Variants in POLR3C observed in about 807,000 individuals in gnomAD.
The protein encoded by POLR3C is RNA polymerase III subunit C, also known as DNA-directed RNA polymerase III subunit RPC3.
Under a neutral mutation model 65.9 loss-of-function variants are expected in POLR3C, and 44 were observed. The ratio of observed to expected loss-of-function variants is 0.67; its 90% CI spans 0.52 to 0.86. The LOEUF (loss-of-function observed/expected upper bound fraction) is 0.86. POLR3C is among the 40% of genes least tolerant of loss of function. The pLI is 0.00. For missense variants in POLR3C, 576 were observed against 653.2 expected, an observed-to-expected ratio of 0.88 and a Z score of 1.29; for synonymous variants, 263 against 231.6, an observed-to-expected ratio of 1.14 and a Z score of -1.23.
intron 13 of POLR3C, 122 bp from the exon 14 acceptor site, chr1:145,840,800 A>G (rs983147615): frequency 3.4e-5 from 20 of 595,676 alleles, no homozygotes; most frequent in Admixed American, 2.9e-4. Context: ...TGTCCTTAGA[A>G]GGTGACATTA....
chr1:145,836,424 A>C, intron 7 of POLR3C, 70 bp from the exon 8 acceptor site: 1 of 899,244 alleles, frequency 1.1e-6, no homozygotes, highest in South Asian at 1.3e-5. Flanking sequence ...CCGGCCTAAA[A>C]CATCTTTATT....
Position 145,826,319 on chromosome 1 carries a change from GGA to G in POLR3C, c.148-129_148-128del, listed in dbSNP as rs1650739734. ...TGTGATTCTTATTAGCTCCTCCAGTGGAGAGAGGAAATAAGTGCAGAAATTAT... is the reference window on the plus strand; with the variant it reads ...TGTGATTCTTATTAGCTCCTCCAGTGGAGAGGAAATAAGTGCAGAAATTAT... On this transcript the variant is annotated intron_variant, in intron 2 of 14. Transcript: ENST00000334163. 11 of 676,566 alleles carry G rather than the reference GGA, an allele frequency of 1.6e-5. No individual in the cohort carries two copies. The South Asian group carries it at 2.0e-4, about 12-fold the overall frequency. 41.9% of individuals were successfully genotyped at this position (676,566 alleles called of 1,614,324 possible).
intron 5 of POLR3C, among the ~76,000 whole-genome samples, chr1:145,829,583 C>T (rs1433198668): frequency 6.6e-6 from 1 of 152,176 alleles, no homozygotes; most frequent in Non-Finnish European, 1.5e-5. Context: ...AATAGCTTTC[C>T]TTTACTTTTA....
intron 1 of POLR3C, 84 bp downstream of exon 1, chr1:145,824,453 T>C (rs1458313666): frequency 2.7e-5 from 23 of 850,322 alleles, no homozygotes; most frequent in Non-Finnish European, 3.9e-5. Flanking sequence ...GTAAAGGAAG[T>C]GTAGAGCTAG....
chr1:145,838,235 A>T, intron 11 of POLR3C, 29 bp downstream of exon 11: 1 of 1,602,226 alleles, frequency 6.2e-7, no homozygotes, highest in Non-Finnish European at 8.5e-7. Flanking sequence ...AATAATTGCC[A>T]ACCAGCAAAG....
rs891322548 is a variant in POLR3C at position 145,842,900 on chromosome 1, C to T, written c.*480C>T. On this transcript the variant is annotated 3_prime_UTR_variant, in exon 15 of 15. Transcript: ENST00000334163. ...CAATCACAGCTCCCTACAGCCTTGA[C>T]CTCCTGAGCTCAAGCAGTCCTTCCA... Among the ~76,000 whole-genome samples the T allele has an allele frequency of 6.6e-6, 1 of 152,022 alleles. No homozygotes were observed. Among genetic ancestry groups the T allele is most frequent in the Non-Finnish European group, 1.5e-5 (1 of 68,006 alleles).
chr1:145,841,661 A>T (rs1652303369), intron 14 of POLR3C, among the ~76,000 whole-genome samples: 1 of 152,196 alleles, frequency 6.6e-6, no homozygotes, highest in Non-Finnish European at 1.5e-5. Context: ...GTGATTTTGT[A>T]TCCCACAACT....
At chr1:145,828,680 C>A in intron 4 of POLR3C, 69 bp from the exon 5 acceptor site, 1 of 1,073,222 alleles carries the variant, frequency 9.3e-7, no homozygotes, top group Non-Finnish European at 1.5e-6. Context: ...AAGACACCTG[C>A]TCTCATGTTT....
Position 145,844,157 on chromosome 1 carries a change from G to GTA in POLR3C, c.*1747_*1748dup, listed in dbSNP as rs587710929. Among the ~76,000 whole-genome samples the GTA allele has an allele frequency of 2.1e-3, 320 of 152,174 alleles. No homozygotes were observed. The highest frequency in any genetic ancestry group is 3.9e-3 in the Non-Finnish European group (264 of 68,006). On this transcript the variant is annotated 3_prime_UTR_variant, in exon 15 of 15. Transcript: ENST00000334163. Reference sequence around the variant, plus strand: ...TATGCTCCAGCAGTTCCACTACTGGGTATATATATATCTCCAAAAGGAAAG... The same window carrying GTA: ...TATGCTCCAGCAGTTCCACTACTGGGTATATATATATATCTCCAAAAGGAAAG...
intron 5 of POLR3C, among the ~76,000 whole-genome samples, chr1:145,829,489 G>T (rs1553726626): frequency 6.6e-6 from 1 of 152,140 alleles, no homozygotes. Flanking sequence ...GGTCTCCCTA[G>T]CTGCATTCTT....
chr1:145,826,008 A>G, intron 2 of POLR3C, 85 bp downstream of exon 2: 4 of 1,146,040 alleles, frequency 3.5e-6, no homozygotes, highest in Non-Finnish European at 5.1e-6. Context: ...CTCACCCCAG[A>G]AAAGGAAAAA....
At position 145,837,529 on chromosome 1, in the gene POLR3C, C is replaced by A; in HGVS notation, c.1010-7C>A. ...ATTACTGAGTGACCTTAATTCTCTA[C>A]ATAAAGACCTCCATAAGGCATTAGC... On this transcript the variant is annotated splice_region_variant and splice_polypyrimidine_tract_variant and intron_variant, in intron 9 of 14. Coordinates refer to ENST00000334163, the MANE Select transcript of POLR3C (RefSeq NM_006468.8). 6 of 1,560,538 alleles carry A rather than the reference C, an allele frequency of 3.8e-6. No individual in the cohort carries two copies. Among genetic ancestry groups the A allele is most frequent in the African/African-American group, 1.4e-5 (1 of 73,166 alleles).
intron 13 of POLR3C, 49 bp from the exon 14 acceptor site, chr1:145,840,873 G>A (rs1553730298): frequency 7.3e-6 from 11 of 1,506,730 alleles, no homozygotes; most frequent in Non-Finnish European, 1.0e-5. Flanking sequence ...CGTGGTAAGA[G>A]AATCTCCCAG....
chr1:145,824,238 G>T lies in POLR3C; in HGVS notation c.-152G>T. 3.7e-6 allele frequency: 1 copy of T among 270,162 alleles called. No homozygotes were observed. Among genetic ancestry groups the T allele is most frequent in the South Asian group, 3.5e-5 (1 of 28,298 alleles). 16.7% of individuals were successfully genotyped at this position (270,162 alleles called of 1,614,324 possible). On this transcript the variant is annotated 5_prime_UTR_variant, in exon 1 of 15. Transcript: ENST00000334163. ...CTTTTTGCTTTTCCGCGTCTTCTTC[G>T]GTGGCGATCCGCGTCCTAGAAAGGG...
At position 145,833,498 on chromosome 1, in the gene POLR3C, C is replaced by T. The variant is rs782078317; in HGVS notation, c.792C>T (p.Ser264=). ...AVANRMDQTS[S]EIVRTMLRMS... ...GTTTACTTTTCAAACAGACAAGCAGCGAGATTGTGCGAACCATGCTCCGAA... is the reference window on the plus strand; with the variant it reads ...GTTTACTTTTCAAACAGACAAGCAGTGAGATTGTGCGAACCATGCTCCGAA... Residue 264 remains serine, a synonymous_variant, in exon 7 of 15, where the codon AGC becomes AGT. Coordinates refer to ENST00000334163, the MANE Select transcript of POLR3C (RefSeq NM_006468.8). The T allele has an allele frequency of 1.4e-5, 22 of 1,612,414 alleles. No homozygotes were observed. In the South Asian group the frequency reaches 2.0e-4, roughly 14 times the overall value.
intron 14 of POLR3C, 67 bp from the exon 15 acceptor site, chr1:145,842,272 C>G (rs1553730744): frequency 2.0e-6 from 2 of 984,094 alleles, no homozygotes; most frequent in Non-Finnish European, 3.1e-6. Context: ...CACACCCACC[C>G]TAACCTCTAA....
chr1:145,843,500 A>G lies in POLR3C; in HGVS notation c.*1080A>G, dbSNP rs1447579111. 2.6e-5 allele frequency among the ~76,000 whole-genome samples: 4 copies of G among 152,220 alleles called. No homozygotes were observed. Among genetic ancestry groups the G allele is most frequent in the Non-Finnish European group, 4.4e-5 (3 of 68,036 alleles). ...TACAAGGATAGATAAATAAGACACC[A>G]TCTCTGCCCTCAAGCCAGTCACCAT... On this transcript the variant is annotated 3_prime_UTR_variant, in exon 15 of 15. Transcript: ENST00000334163.
intron 1 of POLR3C, 63 bp downstream of exon 1, chr1:145,824,432 C>A (rs1553725226): frequency 1.2e-5 from 8 of 676,440 alleles, no homozygotes; most frequent in South Asian, 8.7e-5. Flanking sequence ...ACGTCCGAAA[C>A]GGGAACCTGT....
chr1:145,827,140 A>T, intron 4 of POLR3C, 135 bp downstream of exon 4: 2 of 744,312 alleles, frequency 2.7e-6, no homozygotes, highest in South Asian at 3.6e-5. Context: ...ACAATGAAAA[A>T]ATCATGGTCT....
Sources: allele counts gnomAD v4.1 joint callset (sites outside exome capture counted in the v4.1 genomes callset), GRCh38; gene constraint gnomAD v4.1.1; transcripts MANE v1.5; gene names NCBI Gene and HGNC (gene_info 2026-07-23, HGNC 2026-07-21).